Variants in MYOCD observed in about 807,000 individuals in gnomAD.
The protein encoded by MYOCD is myocardin.
In MYOCD, 32 loss-of-function variants were observed where a neutral mutation model predicts 96.1. The observed-to-expected ratio is 0.33, with a 90% CI of 0.25 to 0.45. MYOCD has a LOEUF of 0.45. Ranked by LOEUF, MYOCD falls within the 20% of genes least tolerant of loss-of-function variation. The probability of loss-of-function intolerance (pLI) is 1.00; values close to 1 mark genes in which losing one functional copy is unlikely to be tolerated. For synonymous variants in MYOCD, 469 were observed against 469.0 expected (o/e 1.00, Z 0.00); for missense variants, 1,133 against 1,200.6 (o/e 0.94, Z 0.83).
intron 1 of MYOCD, among the ~76,000 whole-genome samples, chr17:12,683,336 G>A (rs556274134): frequency 3.2e-4 from 48 of 152,234 alleles, no homozygotes; most frequent in Middle Eastern, 6.8e-3. Flanking sequence ...GTGGAAAACC[G>A]TTTCAGAAGA....
chr17:12,675,883 A>G (rs57514385), intron 1 of MYOCD, among the ~76,000 whole-genome samples: 19,435 of 152,186 alleles, frequency 0.13, 2,420 homozygotes, highest in African/African-American at 0.32. Flanking sequence ...TCAATCAATC[A>G]TATTTATATA....
intron 5 of MYOCD, among the ~76,000 whole-genome samples, chr17:12,727,081 C>T (rs866515094): frequency 3.9e-5 from 6 of 151,964 alleles, no homozygotes; most frequent in Admixed American, 6.6e-5. Flanking sequence ...AAGGTAGTTG[C>T]GGGGAATTAG....
intron 7 of MYOCD, among the ~76,000 whole-genome samples, chr17:12,743,886 A>C (rs1393851390): frequency 6.6e-6 from 1 of 152,166 alleles, no homozygotes; most frequent in African/African-American, 2.4e-5. Flanking sequence ...GAATGCACTC[A>C]TTGAAACACA....
At position 12,666,047 on chromosome 17, in the gene MYOCD, T is replaced by C. The variant is rs1909356385; in HGVS notation, c.-142T>C. 1.6e-6 allele frequency: 1 copy of C among 628,934 alleles called. No individual in the cohort carries two copies. The highest frequency in any genetic ancestry group is 1.9e-5 in the South Asian group (1 of 52,548). 39.0% of individuals were successfully genotyped at this position (628,934 alleles called of 1,614,324 possible). A position where few individuals can be genotyped will look rare whatever the true frequency, so the allele number is the denominator to read the frequency against. ...GTTTTCTGGGGACACTGGCTGCCAC[T>C]GTACTCCTACCCAGGGGAGCTCACG... is the stretch of plus-strand genomic sequence containing the variant. On this transcript the variant is annotated 5_prime_UTR_variant, in exon 1 of 14. Transcript: ENST00000425538.
intron 12 of MYOCD, 96 bp from the exon 13 acceptor site, chr17:12,760,554 A>G (rs1156774921): frequency 1.0e-6 from 1 of 1,004,242 alleles, no homozygotes; most frequent in Non-Finnish European, 1.6e-6. Flanking sequence ...CCTTGACCAA[A>G]CCTAGTTCAA....
intron 7 of MYOCD, among the ~76,000 whole-genome samples, chr17:12,742,441 CAGG>C (rs1001110113): frequency 6.6e-6 from 1 of 152,134 alleles, no homozygotes; most frequent in African/African-American, 2.4e-5. Flanking sequence ...GCCAGCTGTT[CAGG>C]AGCCCCCTCT....
chr17:12,669,381 C>T (rs747979228), intron 1 of MYOCD, among the ~76,000 whole-genome samples: 10 of 152,160 alleles, frequency 6.6e-5, no homozygotes, highest in Non-Finnish European at 1.5e-4. Flanking sequence ...CATCTTAAAC[C>T]GCGCAAACAG....
At chr17:12,684,845 C>CAA (rs1190970523) in intron 1 of MYOCD, among the ~76,000 whole-genome samples, 8 of 66,272 alleles carry the variant, frequency 1.2e-4, no homozygotes, top group Admixed American at 1.8e-4. Context: ...GAATTCGTCT[C>CAA]AAAAAAAAAA....
intron 5 of MYOCD, among the ~76,000 whole-genome samples, chr17:12,723,319 A>T (rs2031901699): frequency 6.6e-6 from 1 of 152,206 alleles, no homozygotes; most frequent in Admixed American, 6.5e-5. Flanking sequence ...AGTCACAGTC[A>T]TGGTCCTGTT....
intron 9 of MYOCD, 28 bp from the exon 10 acceptor site, chr17:12,752,386 C>G (rs2032874385): frequency 6.4e-7 from 1 of 1,556,302 alleles, no homozygotes; most frequent in Non-Finnish European, 8.7e-7. Flanking sequence ...CGTTAAACAG[C>G]ACACTAACCA....
chr17:12,750,993 T>C (rs184688538), intron 9 of MYOCD, among the ~76,000 whole-genome samples: 150 of 152,292 alleles, frequency 9.8e-4, no homozygotes, highest in African/African-American at 3.4e-3. Context: ...TTTCCCAAGA[T>C]AGCTATTTGT....
Position 12,753,117 on chromosome 17 carries a change from G to A in MYOCD, c.1829G>A (p.Gly610Glu). The A allele has an allele frequency of 6.2e-7, 1 of 1,614,184 alleles. No homozygotes were observed. The highest frequency in any genetic ancestry group is 8.5e-7 in the Non-Finnish European group (1 of 1,180,042). ...ACEAAQLQPL[G>E]NAHCVESSDQ... is the part of the protein sequence containing the mutation. Reference sequence around the variant, plus strand: ...GAAGCTGCTCAACTCCAGCCTCTTGGAAATGCTCATTGTGTGGAGTCCTCA... The same window carrying A: ...GAAGCTGCTCAACTCCAGCCTCTTGAAAATGCTCATTGTGTGGAGTCCTCA... Residue 610 changes from glycine to glutamate, a missense_variant, in exon 10 of 14, where the codon GGA becomes GAA. By Grantham distance (98) the Gly-to-Glu change is moderately conservative. Coordinates refer to ENST00000425538, the MANE Select transcript of MYOCD (RefSeq NM_001146312.3).
chr17:12,738,046 A>G, intron 6 of MYOCD, among the ~76,000 whole-genome samples: 1 of 152,254 alleles, frequency 6.6e-6, no homozygotes, highest in Non-Finnish European at 1.5e-5. Context: ...TTATTCTGAC[A>G]GTAAATTCCT....
intron 1 of MYOCD, among the ~76,000 whole-genome samples, chr17:12,697,492 A>C (rs2030831143): frequency 6.8e-6 from 1 of 147,116 alleles, no homozygotes; most frequent in Non-Finnish European, 1.5e-5. Context: ...CCTCCTGAGT[A>C]GCTGAGACTA....
At chr17:12,691,418 C>A (rs1159300351) in intron 1 of MYOCD, among the ~76,000 whole-genome samples, 1 of 152,160 alleles carries the variant, frequency 6.6e-6, no homozygotes, top group Non-Finnish European at 1.5e-5. Flanking sequence ...ATTCAGGAGC[C>A]TCATTCTAAT....
rs376235584 is a variant in MYOCD, at chr17:12,704,205, T to C, written c.56-923T>C. On this transcript the variant is annotated intron_variant, in intron 1 of 13. Transcript: ENST00000425538. ...TATTTTAGCAGATGATTAATCCAAG[T>C]GGATTCAAGCTTTAAGCTCTCTCTT... 2.4e-4 allele frequency among the ~76,000 whole-genome samples: 37 copies of C among 152,236 alleles called. No individual in the cohort carries two copies. In the South Asian group the frequency reaches 7.5e-3, roughly 31 times the overall value.
intron 2 of MYOCD, among the ~76,000 whole-genome samples, chr17:12,709,687 C>T (rs947171333): frequency 6.6e-6 from 1 of 152,164 alleles, no homozygotes; most frequent in Non-Finnish European, 1.5e-5. Flanking sequence ...CCATCATCAA[C>T]CAGGATTCAT....
chr17:12,714,041 A>T (rs1337391229), intron 2 of MYOCD, among the ~76,000 whole-genome samples: 1 of 152,172 alleles, frequency 6.6e-6, no homozygotes, highest in African/African-American at 2.4e-5. Context: ...ATCTTTGGTC[A>T]AAGTGAGAAG....
chr17:12,718,350 T>C (rs774508714), intron 4 of MYOCD, among the ~76,000 whole-genome samples: 2 of 151,888 alleles, frequency 1.3e-5, no homozygotes, highest in Non-Finnish European at 2.9e-5. Flanking sequence ...AGTGAGGAAA[T>C]GGGCTGGAAC....
Sources: gnomAD v4.1 joint callset for allele counts (sites outside exome capture counted in the v4.1 genomes callset) on GRCh38, gnomAD v4.1.1 for gene constraint, MANE v1.5 for transcripts, NCBI Gene and HGNC (gene_info 2026-07-23, HGNC 2026-07-21) for gene names.